SNX9: variants seen among roughly 807,000 people sequenced by gnomAD.
SNX9 encodes the protein sorting nexin 9.
Under a neutral mutation model 89.4 loss-of-function variants are expected in SNX9, and 44 were observed. That is an observed-to-expected ratio of 0.49 (90% CI 0.39 to 0.63). The LOEUF (loss-of-function observed/expected upper bound fraction) is 0.63, where lower values mean the gene tolerates loss of function less well. SNX9 is among the 30% of genes least tolerant of loss of function. The pLI, the probability that SNX9 is intolerant of heterozygous loss-of-function variation, is 0.00. For missense variants in SNX9, 578 were observed against 736.1 expected (o/e 0.79, Z 2.49); for synonymous variants, 236 against 247.8 (o/e 0.95, Z 0.45).
At chr6:157,863,364 A>G (rs1562597456) in intron 1 of SNX9, among the ~76,000 whole-genome samples, 2 of 152,260 alleles carry the variant, frequency 1.3e-5, no homozygotes, top group South Asian at 4.1e-4. Context: ...AGAGCTTTGA[A>G]TCCACTAATG....
chr6:157,873,669 G>A (rs902446720), intron 3 of SNX9, among the ~76,000 whole-genome samples: 4 of 150,108 alleles, frequency 2.7e-5, no homozygotes, highest in African/African-American at 4.9e-5. Context: ...CACATATAAC[G>A]TATTTTTCCT....
intron 4 of SNX9, among the ~76,000 whole-genome samples, chr6:157,885,922 T>A (rs1431964664): frequency 2.6e-5 from 4 of 152,212 alleles, no homozygotes; most frequent in African/African-American, 9.7e-5. Flanking sequence ...ATAGACCCTT[T>A]GTACATGTTT....
intron 1 of SNX9, among the ~76,000 whole-genome samples, chr6:157,845,401 G>A (rs1044945590): frequency 5.3e-5 from 8 of 152,040 alleles, no homozygotes; most frequent in Non-Finnish European, 7.4e-5. Context: ...GCGAGCCACC[G>A]TGCCCGGCCC....
At chr6:157,921,752 GGTTA>G in intron 10 of SNX9, 91 bp downstream of exon 10, 1 of 1,397,270 alleles carries the variant, frequency 7.2e-7, no homozygotes, top group Non-Finnish European at 9.7e-7. Context: ...AAATTATGTT[GGTTA>G]GTTATTTCTC....
chr6:157,895,035 T>A (rs905548207), intron 4 of SNX9, among the ~76,000 whole-genome samples: 2 of 152,130 alleles, frequency 1.3e-5, no homozygotes, highest in Non-Finnish European at 2.9e-5. Flanking sequence ...CACATATATT[T>A]AGGAGTTTGG....
intron 1 of SNX9, among the ~76,000 whole-genome samples, chr6:157,847,590 A>G (rs1009558086): frequency 3.9e-5 from 6 of 152,088 alleles, no homozygotes; most frequent in Non-Finnish European, 8.8e-5. Context: ...AGTGGCAAGC[A>G]GGAATGTGGG....
intron 1 of SNX9, among the ~76,000 whole-genome samples, chr6:157,829,777 C>G (rs766544374): frequency 6.6e-6 from 1 of 152,036 alleles, no homozygotes; most frequent in Non-Finnish European, 1.5e-5. Flanking sequence ...GTAAATATTT[C>G]CCAGATATAT....
intron 12 of SNX9, among the ~76,000 whole-genome samples, chr6:157,930,358 T>C (rs551958589): frequency 1.3e-5 from 2 of 152,330 alleles, no homozygotes; most frequent in African/African-American, 2.4e-5. Context: ...TGTATACAAA[T>C]GCAGCATCTA....
chr6:157,874,963 C>G (rs1230557266), intron 3 of SNX9, 88 bp from the exon 4 acceptor site: 1 of 1,439,440 alleles, frequency 6.9e-7, no homozygotes, highest in Non-Finnish European at 9.3e-7. Context: ...AGAATATAAA[C>G]CCTTTTTGAC....
chr6:157,879,438 A>T (rs1211798899), intron 4 of SNX9, among the ~76,000 whole-genome samples: 1 of 152,206 alleles, frequency 6.6e-6, no homozygotes, highest in East Asian at 1.9e-4. Flanking sequence ...CACACACCAT[A>T]GATGCAAAGT....
chr6:157,932,071 TG>T, intron 12 of SNX9, 123 bp from the exon 13 acceptor site: 1 of 734,916 alleles, frequency 1.4e-6, no homozygotes, highest in Non-Finnish European at 2.3e-6. Context: ...AACAGTATTT[TG>T]TGAAGGAATA....
intron 1 of SNX9, among the ~76,000 whole-genome samples, chr6:157,838,266 G>A (rs1781624114): frequency 6.6e-6 from 1 of 151,978 alleles, no homozygotes; most frequent in Non-Finnish European, 1.5e-5. Context: ...GCCCACCTCA[G>A]CCTCCCAAAG....
chr6:157,875,841 G>A (rs1031391648), intron 4 of SNX9, among the ~76,000 whole-genome samples: 1 of 152,114 alleles, frequency 6.6e-6, no homozygotes, highest in Non-Finnish European at 1.5e-5. Flanking sequence ...GAGAAGACAG[G>A]TATCAAAATA....
chr6:157,866,082 A>G (rs1213324678), intron 1 of SNX9, among the ~76,000 whole-genome samples: 2 of 152,206 alleles, frequency 1.3e-5, no homozygotes, highest in Non-Finnish European at 2.9e-5. Context: ...TGTATTATAT[A>G]TTATAAAGGT....
chr6:157,895,154 A>T (rs1190562511), intron 4 of SNX9, among the ~76,000 whole-genome samples: 1 of 152,220 alleles, frequency 6.6e-6, no homozygotes, highest in Non-Finnish European at 1.5e-5. Context: ...CATTAAAATG[A>T]GGTGGAATTG....
At chr6:157,851,145 C>A (rs911056248) in intron 1 of SNX9, among the ~76,000 whole-genome samples, 3 of 151,674 alleles carry the variant, frequency 2.0e-5, no homozygotes. Context: ...GTAATCCCAG[C>A]TGCTCAGAAG....
At position 157,823,322 on chromosome 6, in the gene SNX9, G is replaced by C. The variant is rs1414593410; in HGVS notation, c.-113G>C. On this transcript the variant is annotated 5_prime_UTR_variant, in exon 1 of 18. Transcript: ENST00000392185. This position sits in a 1 kb window ranked among gnomAD's most constrained non-coding sequence, Gnocchi z 4.6. The stretch of plus-strand genomic sequence containing the variant: ...GAGGCGGAGGAGCGGCCGCCGCGCC[G>C]GGGCCCAGCCGGAGCCGCCGCCCTC... 3.1e-6 allele frequency: 3 copies of C among 976,808 alleles called. No individual in the cohort carries two copies. Among genetic ancestry groups the C allele is most frequent in the Non-Finnish European group, 3.9e-6 (3 of 776,580 alleles). The allele number at this position is 976,808 out of a possible 1,614,324, so 60.5% of individuals were successfully genotyped here. A position where few individuals can be genotyped will look rare whatever the true frequency, so the allele number is the denominator to read the frequency against.
intron 5 of SNX9, among the ~76,000 whole-genome samples, chr6:157,900,157 T>A (rs544539312): frequency 6.6e-6 from 1 of 152,280 alleles, no homozygotes; most frequent in African/African-American, 2.4e-5. Context: ...TAGATTTTTT[T>A]AAAGACCTGT....
chr6:157,869,879 G>A (rs892894109), intron 2 of SNX9, among the ~76,000 whole-genome samples: 10 of 151,680 alleles, frequency 6.6e-5, no homozygotes, highest in African/African-American at 1.7e-4. Context: ...ACCCTTATGC[G>A]TGCACATGCA....
Sources: gnomAD v4.1 joint callset for allele counts (sites outside exome capture counted in the v4.1 genomes callset) on GRCh38, gnomAD v4.1.1 for gene constraint, Gnocchi (gnomAD v3.1) non-coding constraint, MANE v1.5 for transcripts, NCBI Gene and HGNC (gene_info 2026-07-23, HGNC 2026-07-21) for gene names.